LRRC40: variants seen among roughly 807,000 people sequenced by gnomAD.
LRRC40 encodes leucine-rich repeat-containing protein 40.
In LRRC40, 76 loss-of-function variants were observed where a neutral mutation model predicts 72.8. The ratio of observed to expected loss-of-function variants is 1.04; its 90% CI spans 0.87 to 1.26. The LOEUF (loss-of-function observed/expected upper bound fraction) is 1.26, where lower values mean the gene tolerates loss of function less well. Among genes scored for constraint, LRRC40 ranks in the 50% most tolerant of loss-of-function variants. LRRC40 has a pLI of 0.00. For missense variants in LRRC40, 684 were observed against 698.9 expected, an observed-to-expected ratio of 0.98 and a Z score of 0.24; for synonymous variants, 243 against 254.2, an observed-to-expected ratio of 0.96 and a Z score of 0.42.
chr1:70,153,706 G>A (rs1176440879), intron 11 of LRRC40, among the ~76,000 whole-genome samples: 1 of 152,082 alleles, frequency 6.6e-6, no homozygotes, highest in East Asian at 1.9e-4. Context: ...TTATGGCCAA[G>A]CATGGTGGCT....
chr1:70,170,100 C>T (rs1667968898), intron 9 of LRRC40, among the ~76,000 whole-genome samples: 2 of 152,068 alleles, frequency 1.3e-5, no homozygotes, highest in South Asian at 4.2e-4. Context: ...GCTGATTTAC[C>T]ATCTGAAAAT....
intron 10 of LRRC40, among the ~76,000 whole-genome samples, chr1:70,157,656 G>A (rs1342108216): frequency 1.3e-5 from 2 of 152,054 alleles, no homozygotes; most frequent in African/African-American, 4.8e-5. Context: ...CCAGAAGTCA[G>A]GCATAAAAGA....
At position 70,148,641 on chromosome 1, in the gene LRRC40, T is replaced by TA. The variant is rs763171257; in HGVS notation, c.1548dup (p.Ile517TyrfsTer5). 45 of 1,611,920 alleles carry TA rather than the reference T, an allele frequency of 2.8e-5. No homozygotes were observed. In the Middle Eastern group the frequency reaches 5.0e-4, roughly 18 times the overall value. On this transcript the variant is annotated frameshift_variant, in exon 14 of 15. Transcript: ENST00000370952. LOFTEE classifies it high-confidence loss of function. ...ATCAGAATTGTTTCAAGTGTGAAGA[T>TA]ACGATATAGAACTTCAGGTAGCATT...
At chr1:70,191,931 G>A (rs1227828607) in intron 1 of LRRC40, among the ~76,000 whole-genome samples, 1 of 152,134 alleles carries the variant, frequency 6.6e-6, no homozygotes, top group Non-Finnish European at 1.5e-5. Flanking sequence ...TTTTTGCTTA[G>A]AATTGCCTTG....
At chr1:70,185,231 G>A (rs957934087) in intron 3 of LRRC40, among the ~76,000 whole-genome samples, 4 of 152,174 alleles carry the variant, frequency 2.6e-5, no homozygotes, top group African/African-American at 9.7e-5. Flanking sequence ...GGACATACTA[G>A]ACACTTAATT....
At chr1:70,167,410 A>G (rs1483239323) in intron 9 of LRRC40, among the ~76,000 whole-genome samples, 1 of 151,726 alleles carries the variant, frequency 6.6e-6, no homozygotes, top group Non-Finnish European at 1.5e-5. Context: ...AAATACAAAA[A>G]AAATTAGCTG....
chr1:70,178,833 T>C lies in LRRC40; in HGVS notation c.804+18A>G. The C allele has an allele frequency of 7.6e-6, 11 of 1,450,312 alleles. No homozygotes were observed. The highest frequency in any genetic ancestry group is 1.0e-5 in the Non-Finnish European group (11 of 1,074,392). 89.8% of individuals were successfully genotyped at this position (1,450,312 alleles called of 1,614,324 possible). Reference sequence around the variant, plus strand: ...ACTTTTGGAAAATATAGTTATTTAATAATCAACTAAATAGTACCTTCAATA... The same window carrying C: ...ACTTTTGGAAAATATAGTTATTTAACAATCAACTAAATAGTACCTTCAATA... On this transcript the variant is annotated intron_variant, in intron 6 of 14. Transcript: ENST00000370952.
chr1:70,172,524 C>T (rs1668020920), intron 9 of LRRC40, among the ~76,000 whole-genome samples: 1 of 152,106 alleles, frequency 6.6e-6, no homozygotes, highest in Non-Finnish European at 1.5e-5. Flanking sequence ...ATAACTGTAA[C>T]TTCCACTAAG....
At chr1:70,180,990 T>G in intron 5 of LRRC40, 96 bp downstream of exon 5, 1 of 866,776 alleles carries the variant, frequency 1.2e-6, no homozygotes, top group Non-Finnish European at 1.6e-6. Context: ...AAAAATCTAC[T>G]ACTTTAGTTC....
At chr1:70,202,208 T>A (rs999750933) in intron 1 of LRRC40, among the ~76,000 whole-genome samples, 1 of 152,062 alleles carries the variant, frequency 6.6e-6, no homozygotes, top group Non-Finnish European at 1.5e-5. Context: ...TCCAAATGAG[T>A]TGAACATATA....
chr1:70,181,192 A>C lies in LRRC40; in HGVS notation c.555T>G (p.His185Gln). The change falls in exon 5 of 15, where the codon CAT (histidine) becomes CAG (glutamine). Residue 185 changes from histidine to glutamine, a missense_variant. By Grantham distance (24) the His-to-Gln change is conservative (BLOSUM62 0). Coordinates refer to ENST00000370952, the MANE Select transcript of LRRC40 (RefSeq NM_017768.5). ...NLEDLDLSNN[H>Q]LTTVPASFSS... The stretch of plus-strand genomic sequence containing the variant: ...AAAAACTAGCAGGAACAGTTGTAAG[A>C]TGATTGTTTGAAAGATCCTTTAAAA... 2 of 1,563,958 alleles carry C rather than the reference A, an allele frequency of 1.3e-6. No homozygotes were observed. Among genetic ancestry groups the C allele is most frequent in the Non-Finnish European group, 1.7e-6 (2 of 1,160,294 alleles).
chr1:70,171,873 T>C (rs1668006793), intron 9 of LRRC40, among the ~76,000 whole-genome samples: 1 of 152,180 alleles, frequency 6.6e-6, no homozygotes, highest in Admixed American at 6.5e-5. Flanking sequence ...AATGAAAACA[T>C]ACATTCACAC....
chr1:70,156,051 T>TATTCTTTGGAGTCTTTGGAGTCTA, intron 10 of LRRC40, among the ~76,000 whole-genome samples: 1 of 152,100 alleles, frequency 6.6e-6, no homozygotes, highest in Non-Finnish European at 1.5e-5. Context: ...TGAATAAAAA[T>TATTCTTTGGAGTCTTTGGAGTCTA]AGATATTTAT....
chr1:70,155,878 G>C lies in LRRC40; in HGVS notation c.1221-82C>G, dbSNP rs1256994283. On this transcript the variant is annotated intron_variant, in intron 10 of 14. Transcript: ENST00000370952. Reference sequence around the variant, plus strand: ...ATTATTACTCTTCATTTTTAAAGGTGTTTAAAGATTTTATGAAATTTTTCA... The same window carrying C: ...ATTATTACTCTTCATTTTTAAAGGTCTTTAAAGATTTTATGAAATTTTTCA... 3 of 545,086 alleles carry C rather than the reference G, an allele frequency of 5.5e-6. No individual in the cohort carries two copies. In the Admixed American group the frequency reaches 1.1e-4, roughly 20 times the overall value. 33.8% of individuals were successfully genotyped at this position (545,086 alleles called of 1,614,324 possible). A position where few individuals can be genotyped will look rare whatever the true frequency, so the allele number is the denominator to read the frequency against.
chr1:70,180,391 C>T (rs972099801), intron 5 of LRRC40: 8 of 152,270 alleles, frequency 5.3e-5, no homozygotes, highest in Admixed American at 3.3e-4. Flanking sequence ...ATCCTCCTGC[C>T]TCAGCCACCT....
rs1046528066 is a variant in LRRC40 at position 70,151,150 on chromosome 1, T to C, written c.1495A>G (p.Thr499Ala). Reference sequence around the variant, plus strand: ...TACCTATTAAAGGAAAGATTGATCGTTTGCAGTCTTACCAGTGATTCCATT... The same window carrying C: ...TACCTATTAAAGGAAAGATTGATCGCTTGCAGTCTTACCAGTGATTCCATT... ...EEMESLVRLQ[T>A]INLSFNRFKM... The change falls in exon 13 of 15, where the codon ACG becomes GCG. Residue 499 changes from threonine (T) to alanine (A), a missense_variant. Thr to Ala is a moderately conservative substitution (Grantham distance 58). Coordinates refer to ENST00000370952, the MANE Select transcript of LRRC40 (RefSeq NM_017768.5). The C allele has an allele frequency of 2.5e-6, 4 of 1,583,294 alleles. No individual in the cohort carries two copies. Among genetic ancestry groups the C allele is most frequent in the Admixed American group, 1.7e-5 (1 of 59,762 alleles).
At chr1:70,168,200 A>G (rs138549993) in intron 9 of LRRC40, among the ~76,000 whole-genome samples, 42 of 152,244 alleles carry the variant, frequency 2.8e-4, no homozygotes, top group African/African-American at 9.9e-4. Context: ...TCCTGTTGCT[A>G]ATGCTAAATC....
At chr1:70,172,638 G>A (rs910928553) in intron 9 of LRRC40, among the ~76,000 whole-genome samples, 2 of 152,102 alleles carry the variant, frequency 1.3e-5, no homozygotes, top group Non-Finnish European at 2.9e-5. Flanking sequence ...AGCATATTTG[G>A]AGAAGGAAAC....
intron 5 of LRRC40, among the ~76,000 whole-genome samples, chr1:70,179,976 A>G (rs1668205620): frequency 6.6e-6 from 1 of 152,160 alleles, no homozygotes; most frequent in African/African-American, 2.4e-5. Flanking sequence ...AACTATCTGC[A>G]ATTGAATGCA....
Sources: gnomAD v4.1 joint callset for allele counts (sites outside exome capture counted in the v4.1 genomes callset) on GRCh38, gnomAD v4.1.1 for gene constraint, MANE v1.5 for transcripts, NCBI Gene and HGNC (gene_info 2026-07-23, HGNC 2026-07-21) for gene names.